Variants in CELF2 observed in about 807,000 individuals in gnomAD.
CELF2 encodes the protein CUGBP Elav-like family member 2.
A neutral mutation model predicts 62.6 loss-of-function variants in CELF2; 8 were observed. That is an observed-to-expected ratio of 0.13 (90% CI 0.07 to 0.23). CELF2 has a LOEUF of 0.23. Ranked by LOEUF, CELF2 falls within the 10% of genes least tolerant of loss-of-function variation. The probability of loss-of-function intolerance (pLI) is 1.00; values close to 1 mark genes in which losing one functional copy is unlikely to be tolerated. For synonymous variants in CELF2, 258 were observed against 250.0 expected, an observed-to-expected ratio of 1.03 and a Z score of -0.30; for missense variants, 333 against 671.0, an observed-to-expected ratio of 0.50 and a Z score of 5.56.
At chr10:11,101,548 A>G (rs1385433738) in intron 1 of CELF2, among the ~76,000 whole-genome samples, 2 of 152,242 alleles carry the variant, frequency 1.3e-5, no homozygotes, top group African/African-American at 4.8e-5. Flanking sequence ...GAAATTGACA[A>G]CCTGGGTAGT....
intron 9 of CELF2, among the ~76,000 whole-genome samples, chr10:11,298,466 A>G (rs1202934684): frequency 6.6e-6 from 1 of 152,222 alleles, no homozygotes; most frequent in Non-Finnish European, 1.5e-5. Context: ...CCAAGAATTG[A>G]TATATCTGGG....
chr10:10,513,916 C>T, the CELF2 span, among the ~76,000 whole-genome samples: 1 of 152,048 alleles, frequency 6.6e-6, no homozygotes, highest in African/African-American at 2.4e-5. Flanking sequence ...TAAGCAAAAC[C>T]TAGATCTCTC....
At chr10:10,540,014 G>C in the CELF2 span, among the ~76,000 whole-genome samples, 2 of 152,080 alleles carry the variant, frequency 1.3e-5, no homozygotes, top group African/African-American at 4.8e-5. Flanking sequence ...GACTTTGCTG[G>C]CTCCCTTATT....
the CELF2 span, among the ~76,000 whole-genome samples, chr10:10,538,026 G>A: frequency 6.6e-6 from 1 of 152,106 alleles, no homozygotes; most frequent in Non-Finnish European, 1.5e-5. Context: ...TGGGCAAAAG[G>A]GGAAAAGCAG....
intron 8 of CELF2, among the ~76,000 whole-genome samples, chr10:11,284,933 G>C (rs2090675564): frequency 6.6e-6 from 1 of 151,338 alleles, no homozygotes; most frequent in African/African-American, 2.4e-5. Context: ...ATGATGGATA[G>C]ATGGGTGGGA....
chr10:10,673,145 A>G, the CELF2 span, among the ~76,000 whole-genome samples: 5 of 152,076 alleles, frequency 3.3e-5, no homozygotes, highest in Admixed American at 3.3e-4. Context: ...TAACTTTACC[A>G]TAATAATCGC....
chr10:11,125,570 T>A (rs1000629804), intron 1 of CELF2, among the ~76,000 whole-genome samples: 6 of 152,036 alleles, frequency 3.9e-5, no homozygotes, highest in Admixed American at 1.3e-4. Context: ...CTCCCTTTTT[T>A]AAAATAAACC....
At chr10:11,307,707 TG>T (rs964455657) in intron 9 of CELF2, among the ~76,000 whole-genome samples, 19 of 152,214 alleles carry the variant, frequency 1.2e-4, no homozygotes, top group African/African-American at 4.6e-4. Context: ...TGCCTCCAGT[TG>T]TTTTGTGTTT....
intron 1 of CELF2, among the ~76,000 whole-genome samples, chr10:11,138,673 G>A (rs543382458): frequency 6.6e-6 from 1 of 152,304 alleles, no homozygotes; most frequent in African/African-American, 2.4e-5. Context: ...AACTGGCTTT[G>A]TTTATTGTAT....
intron 1 of CELF2, among the ~76,000 whole-genome samples, chr10:10,862,607 G>T (rs2060110059): frequency 6.6e-6 from 1 of 152,170 alleles, no homozygotes; most frequent in Non-Finnish European, 1.5e-5. Context: ...TATTCTAATG[G>T]TTACAAGTGT....
chr10:11,176,831 A>G (rs1249642947), intron 2 of CELF2, among the ~76,000 whole-genome samples: 1 of 152,164 alleles, frequency 6.6e-6, no homozygotes, highest in Non-Finnish European at 1.5e-5. Flanking sequence ...CAGTTCCTTC[A>G]TCCGCTTTTA....
At chr10:10,772,902 A>G in the CELF2 span, among the ~76,000 whole-genome samples, 9 of 152,232 alleles carry the variant, frequency 5.9e-5, no homozygotes, top group Non-Finnish European at 2.9e-5. Flanking sequence ...GGGAGTCATA[A>G]AAACTTAGCT....
chr10:11,164,906 G>T, intron 1 of CELF2: 1 of 212,594 alleles, frequency 4.7e-6, no homozygotes, highest in Non-Finnish European at 8.1e-6. Context: ...TGGATGCCTC[G>T]CGCACTCTGC....
chr10:10,915,406 T>A (rs1039355327), intron 1 of CELF2, among the ~76,000 whole-genome samples: 10 of 152,098 alleles, frequency 6.6e-5, no homozygotes, highest in African/African-American at 2.4e-4. Context: ...AAGAGTAGCC[T>A]TTTTTGTGGT....
rs2066939511 is a variant in CELF2 at position 11,227,231 on chromosome 10, G to T, written c.354+9724G>T. Among the ~76,000 whole-genome samples the T allele has an allele frequency of 6.6e-6, 1 of 152,186 alleles. No individual in the cohort carries two copies. Among genetic ancestry groups the T allele is most frequent in the Non-Finnish European group, 1.5e-5 (1 of 68,038 alleles). On this transcript the variant is annotated intron_variant, in intron 3 of 12. Transcript: ENST00000633077. This position sits in a 1 kb window ranked among gnomAD's most constrained non-coding sequence, Gnocchi z 4.8. ...CTTTAGAAAGGAACTGTTCTACCCT[G>T]TTGTTTTACTAATGAGGAAGTGATG...
intron 7 of CELF2, 130 bp from the exon 8 acceptor site, chr10:11,274,927 C>T (rs980554468): frequency 4.6e-5 from 36 of 782,132 alleles, no homozygotes; most frequent in Non-Finnish European, 7.0e-5. Flanking sequence ...GCTCTGGGGA[C>T]CTTCAGTCCA....
intron 2 of CELF2, among the ~76,000 whole-genome samples, chr10:11,170,622 G>C (rs2068565497): frequency 6.6e-6 from 1 of 152,122 alleles, no homozygotes; most frequent in Non-Finnish European, 1.5e-5. Flanking sequence ...TTCTCTCGGA[G>C]GTCTGAAGTA....
upstream of CELF2, among the ~76,000 whole-genome samples, chr10:10,798,035 G>A (rs972951570): frequency 2.0e-5 from 3 of 152,136 alleles, no homozygotes; most frequent in East Asian, 1.9e-4. Flanking sequence ...TATGTTTAAA[G>A]AGATTCTGCA....
the CELF2 span, among the ~76,000 whole-genome samples, chr10:10,480,920 C>G: frequency 4.5e-4 from 68 of 152,142 alleles, no homozygotes; most frequent in African/African-American, 1.6e-3. Flanking sequence ...AAGAATCTTG[C>G]CCAGTGGTAG....
Sources: allele counts gnomAD v4.1 joint callset (sites outside exome capture counted in the v4.1 genomes callset), GRCh38; gene constraint gnomAD v4.1.1; non-coding constraint Gnocchi (gnomAD v3.1); transcripts MANE v1.5; gene names NCBI Gene and HGNC (gene_info 2026-07-23, HGNC 2026-07-21).